Variants in AOAH observed in about 807,000 individuals in gnomAD.
The protein encoded by AOAH is acyloxyacyl hydrolase, also known as acyloxyacyl hydrolase (neutrophil).
Under a neutral mutation model 92.2 loss-of-function variants are expected in AOAH, and 64 were observed. The ratio of observed to expected loss-of-function variants is 0.69; its 90% CI spans 0.57 to 0.86. The LOEUF is 0.86. Ranked by LOEUF, AOAH falls within the 40% of genes least tolerant of loss-of-function variation. AOAH has a pLI of 0.00. For synonymous variants in AOAH, 263 were observed against 254.5 expected, an observed-to-expected ratio of 1.03 and a Z score of -0.32; for missense variants, 656 against 694.6, an observed-to-expected ratio of 0.94 and a Z score of 0.62.
At chr7:36,719,910 T>C (rs1172595369) in intron 1 of AOAH, among the ~76,000 whole-genome samples, 18 of 151,274 alleles carry the variant, frequency 1.2e-4, no homozygotes. Context: ...CACTGTAGCC[T>C]GGGTGATAGA....
intron 1 of AOAH, among the ~76,000 whole-genome samples, chr7:36,687,321 T>C (rs1448428785): frequency 6.6e-6 from 1 of 152,160 alleles, no homozygotes; most frequent in Non-Finnish European, 1.5e-5. Flanking sequence ...TAACACACTG[T>C]AAAATATTAT....
At chr7:36,699,637 GTTTT>G (rs377319409) in intron 1 of AOAH, among the ~76,000 whole-genome samples, 2 of 134,504 alleles carry the variant, frequency 1.5e-5, no homozygotes, top group Non-Finnish European at 1.6e-5. Flanking sequence ...TGGATTATTT[GTTTT>G]TTTTTTTTTT....
chr7:36,548,025 C>T (rs1335463028), intron 15 of AOAH, among the ~76,000 whole-genome samples: 1 of 152,064 alleles, frequency 6.6e-6, no homozygotes, highest in Admixed American at 6.6e-5. Context: ...AATCACAATT[C>T]CCAATCTTGG....
chr7:36,622,498 A>ACATGT (rs1792353087), intron 7 of AOAH, among the ~76,000 whole-genome samples: 1 of 152,232 alleles, frequency 6.6e-6, no homozygotes, highest in Non-Finnish European at 1.5e-5. Context: ...GGACTTTGTG[A>ACATGT]CATGTTACTT....
chr7:36,610,159 CAAAAAAAAAAAA>C (rs71553082), intron 11 of AOAH, among the ~76,000 whole-genome samples: 1 of 49,278 alleles, frequency 2.0e-5, no homozygotes, highest in Non-Finnish European at 3.6e-5. Flanking sequence ...TCCATAATAG[CAAAAAAAAAAAA>C]AAAAAAAAAG....
chr7:36,622,560 A>AAC (rs879700648), intron 7 of AOAH, among the ~76,000 whole-genome samples: 2 of 149,782 alleles, frequency 1.3e-5, no homozygotes, highest in Admixed American at 6.8e-5. Context: ...TTCTGAATCA[A>AAC]ACGCACACAC....
At chr7:36,644,967 G>A (rs974462462) in intron 4 of AOAH, among the ~76,000 whole-genome samples, 1 of 152,088 alleles carries the variant, frequency 6.6e-6, no homozygotes, top group African/African-American at 2.4e-5. Context: ...TTTTCTAAAA[G>A]TTTATTAGGA....
intron 12 of AOAH, among the ~76,000 whole-genome samples, chr7:36,576,987 C>T (rs1316077776): frequency 1.3e-5 from 2 of 151,780 alleles, no homozygotes; most frequent in Non-Finnish European, 2.9e-5. Context: ...CTCACCTTTA[C>T]CGACTCTGTT....
At chr7:36,636,772 C>T (rs2116302444) in intron 5 of AOAH, among the ~76,000 whole-genome samples, 1 of 152,318 alleles carries the variant, frequency 6.6e-6, no homozygotes, top group Non-Finnish European at 1.5e-5. Flanking sequence ...ACTAGATATA[C>T]TAAAACACTA....
At chr7:36,618,448 T>C (rs1792048711) in intron 9 of AOAH, 103 bp from the exon 10 acceptor site, 1 of 999,062 alleles carries the variant, frequency 1.0e-6, no homozygotes, top group Non-Finnish European at 1.6e-6. Context: ...GGCAAATGAG[T>C]AGATAAAACC....
Position 36,722,935 on chromosome 7 carries a change from G to GAAAAAAAAAAAA in AOAH, c.127+1075_127+1086dup. Among the ~76,000 whole-genome samples, 2 of 49,462 alleles carry GAAAAAAAAAAAA rather than the reference G, an allele frequency of 4.0e-5. 1 individual carries two copies. Among genetic ancestry groups the GAAAAAAAAAAAA allele is most frequent in the Non-Finnish European group, 7.2e-5 (2 of 27,706 alleles). 32.4% of individuals were successfully genotyped at this position (49,462 alleles called of 152,430 possible). On this transcript the variant is annotated intron_variant, in intron 1 of 20. Coordinates refer to ENST00000617537, the MANE Select transcript of AOAH (RefSeq NM_001637.4). The stretch of plus-strand genomic sequence containing the variant: ...GGTGACAGTGCGATAATCCATCTCA[G>GAAAAAAAAAAAA]AAAAAAAAAAAAAAAAAAAAAAAAA...
At chr7:36,668,547 C>T (rs10243580) in intron 3 of AOAH, among the ~76,000 whole-genome samples, 49,862 of 152,082 alleles carry the variant, frequency 0.33, 8,717 homozygotes, top group South Asian at 0.48. Context: ...AGTGCAATGG[C>T]GCTATCTCAG....
chr7:36,645,747 A>G (rs983482336), intron 4 of AOAH, among the ~76,000 whole-genome samples: 2 of 152,114 alleles, frequency 1.3e-5, no homozygotes, highest in Non-Finnish European at 2.9e-5. Flanking sequence ...ATATGCAAAA[A>G]ATGAAGTCTG....
At chr7:36,695,203 T>G (rs1326053856) in intron 1 of AOAH, among the ~76,000 whole-genome samples, 1 of 152,320 alleles carries the variant, frequency 6.6e-6, no homozygotes, top group East Asian at 1.9e-4. Flanking sequence ...AAAATATCAA[T>G]AGTGATCATC....
chr7:36,648,604 C>T (rs1303339985), intron 4 of AOAH, among the ~76,000 whole-genome samples: 1 of 148,920 alleles, frequency 6.7e-6, no homozygotes, highest in Non-Finnish European at 1.5e-5. Flanking sequence ...ATTACAAATA[C>T]AATTGCTCAG....
intron 1 of AOAH, among the ~76,000 whole-genome samples, chr7:36,688,090 T>C (rs1269189386): frequency 1.3e-5 from 2 of 152,204 alleles, no homozygotes; most frequent in African/African-American, 2.4e-5. Flanking sequence ...TACTTAAGGA[T>C]GCATTGATCA....
At chr7:36,606,375 T>C (rs904114606) in intron 11 of AOAH, among the ~76,000 whole-genome samples, 1 of 152,206 alleles carries the variant, frequency 6.6e-6, no homozygotes, top group Non-Finnish European at 1.5e-5. Context: ...CTAGTGAATA[T>C]GCATTTTCAG....
At chr7:36,632,874 A>G (rs1793230577) in intron 5 of AOAH, among the ~76,000 whole-genome samples, 1 of 152,348 alleles carries the variant, frequency 6.6e-6, no homozygotes, top group South Asian at 2.1e-4. Context: ...ACCGTTTCAG[A>G]ATATAAATGA....
intron 2 of AOAH, among the ~76,000 whole-genome samples, chr7:36,681,014 A>G (rs568039392): frequency 0.029 from 2,599 of 88,146 alleles, 34 homozygotes; most frequent in Non-Finnish European, 0.041. Flanking sequence ...TATATTAAGA[A>G]GAGGGAATAA....
Sources: allele counts gnomAD v4.1 joint callset (sites outside exome capture counted in the v4.1 genomes callset), GRCh38; gene constraint gnomAD v4.1.1; transcripts MANE v1.5; gene names NCBI Gene and HGNC (gene_info 2026-07-23, HGNC 2026-07-21).